The following DCHS2 variants were observed in gnomAD, a reference collection of about 807,000 sequenced individuals.
The protein encoded by DCHS2 is dachsous cadherin-related 2.
A neutral mutation model predicts 182.4 loss-of-function variants in DCHS2; 142 were observed. The observed-to-expected ratio is 0.78, with a 90% CI of 0.68 to 0.89. DCHS2 has a LOEUF of 0.89. Among genes scored for constraint, DCHS2 ranks in the 40% least tolerant of loss-of-function variants. The pLI is 0.00. For missense variants in DCHS2, 4,319 were observed against 4,198.6 expected (o/e 1.03, Z -0.79); for synonymous variants, 1,740 against 1,663.3 (o/e 1.05, Z -1.12).
intron 19 of DCHS2, 104 bp downstream of exon 19, chr4:154,239,066 T>TG (rs1731673684): frequency 7.1e-7 from 1 of 1,410,566 alleles, no homozygotes; most frequent in East Asian, 2.4e-5. Flanking sequence ...CCATGCGGGG[T>TG]GGGGAGGTGG....
chr4:154,448,249 G>A (rs903942047), intron 1 of DCHS2, among the ~76,000 whole-genome samples: 4 of 152,074 alleles, frequency 2.6e-5, no homozygotes, highest in Non-Finnish European at 5.9e-5. Context: ...TAGGTAATCT[G>A]ATGCAGGCCT....
At chr4:154,377,896 GA>G in intron 1 of DCHS2, among the ~76,000 whole-genome samples, 1 of 152,124 alleles carries the variant, frequency 6.6e-6, no homozygotes, top group Non-Finnish European at 1.5e-5. Context: ...GCAGCAAGGG[GA>G]GGGCCAAGAA....
At chr4:154,239,441 T>TA (rs764867820) in intron 18 of DCHS2, 139 bp from the exon 19 acceptor site, 817 of 1,310,100 alleles carry the variant, frequency 6.2e-4, no homozygotes, top group Non-Finnish European at 7.2e-4. Flanking sequence ...TTAGACATAT[T>TA]AATTTATGGA....
chr4:154,486,340 G>T, intron 1 of DCHS2: 1 of 1,236,492 alleles, frequency 8.1e-7, no homozygotes, highest in Non-Finnish European at 1.1e-6. Flanking sequence ...AGCAACTAGA[G>T]TGGTAGGACC....
intron 1 of DCHS2, among the ~76,000 whole-genome samples, chr4:154,418,914 T>C (rs1341006994): frequency 1.2e-4 from 19 of 152,348 alleles, no homozygotes; most frequent in South Asian, 4.1e-4. Flanking sequence ...TAAATAAAGC[T>C]GTATGCATAG....
chr4:154,270,663 G>C (rs1262184633), intron 13 of DCHS2, among the ~76,000 whole-genome samples: 1 of 151,530 alleles, frequency 6.6e-6, no homozygotes, highest in Non-Finnish European at 1.5e-5. Context: ...GAAGAGAGGG[G>C]TAAGAATGGA....
intron 2 of DCHS2, among the ~76,000 whole-genome samples, chr4:154,376,242 C>G (rs1276270569): frequency 6.6e-6 from 1 of 151,858 alleles, no homozygotes; most frequent in Non-Finnish European, 1.5e-5. Context: ...TTTTATATGT[C>G]AATTAAAAAG....
intron 1 of DCHS2, among the ~76,000 whole-genome samples, chr4:154,424,685 A>G (rs1340309977): frequency 6.6e-6 from 1 of 152,222 alleles, no homozygotes; most frequent in Non-Finnish European, 1.5e-5. Flanking sequence ...AACTTGTCAG[A>G]AACCTTATAG....
chr4:154,382,930 A>G (rs999972672), intron 1 of DCHS2, among the ~76,000 whole-genome samples: 23 of 152,322 alleles, frequency 1.5e-4, no homozygotes, highest in African/African-American at 4.6e-4. Context: ...CCACTGTGGA[A>G]AGAAGGATGG....
chr4:154,338,411 C>T (rs936724683), intron 3 of DCHS2, among the ~76,000 whole-genome samples: 3 of 152,122 alleles, frequency 2.0e-5, no homozygotes, highest in African/African-American at 7.2e-5. Context: ...AAATATAATA[C>T]TACCTAAAAT....
chr4:154,348,868 C>T (rs1274345043), intron 3 of DCHS2, among the ~76,000 whole-genome samples: 2 of 152,064 alleles, frequency 1.3e-5, no homozygotes, highest in African/African-American at 2.4e-5. Flanking sequence ...GACATGAACA[C>T]CAGCAGGAGG....
rs1353740118 is a variant in DCHS2, at chr4:154,232,893, G to GTAAT, written c.*1639_*1642dup. 1 of 152,048 alleles carries GTAAT rather than the reference G, an allele frequency of 6.6e-6. No individual in the cohort carries two copies. Among genetic ancestry groups the GTAAT allele is most frequent in the Non-Finnish European group, 1.5e-5 (1 of 68,006 alleles). The allele number at this position is 152,048 out of a possible 1,614,324, so 9.4% of individuals were successfully genotyped here. On this transcript the variant is annotated 3_prime_UTR_variant, in exon 20 of 20. Coordinates refer to ENST00000357232, the MANE Select transcript of DCHS2 (RefSeq NM_001358235.2). Reference sequence around the variant, plus strand: ...AAAACCTTCATGTTTCATACAATTTGTAATATAGCTTTATACATTTGTTCC... The same window carrying GTAAT: ...AAAACCTTCATGTTTCATACAATTTGTAATTAATATAGCTTTATACATTTGTTCC...
chr4:154,339,636 G>C (rs976707687), intron 3 of DCHS2, among the ~76,000 whole-genome samples: 9 of 152,072 alleles, frequency 5.9e-5, no homozygotes, highest in Admixed American at 5.2e-4. Flanking sequence ...TTTTAGTAGA[G>C]AGGGGTTTCA....
At chr4:154,348,480 G>A (rs1014452073) in intron 3 of DCHS2, among the ~76,000 whole-genome samples, 1 of 151,910 alleles carries the variant, frequency 6.6e-6, no homozygotes, top group Non-Finnish European at 1.5e-5. Context: ...CCAAATTTAT[G>A]TCCACTTGGA....
chr4:154,304,776 C>A lies in DCHS2; in HGVS notation c.5498G>T (p.Ser1833Ile), dbSNP rs1178958405. Reference protein sequence around the residue: ...NDHAPEFIVSSYDIEVLENQE... With the variant: ...NDHAPEFIVSIYDIEVLENQE... ...GTTTTCCAGAACCTCAATGTCATAA[C>A]TGGAAACAATAAACTCTGGTGCGTG... is the stretch of plus-strand genomic sequence containing the variant. The change falls in exon 12 of 20, where the codon AGT becomes ATT. Residue 1833 changes from serine to isoleucine, a missense_variant. By Grantham distance (142) the Ser-to-Ile change is moderately radical. Coordinates refer to ENST00000357232, the MANE Select transcript of DCHS2 (RefSeq NM_001358235.2). 6.2e-7 allele frequency: 1 copy of A among 1,613,864 alleles called. No homozygotes were observed. Among genetic ancestry groups the A allele is most frequent in the East Asian group, 2.2e-5 (1 of 44,854 alleles).
At chr4:154,413,863 T>C (rs1436417518) in intron 1 of DCHS2, among the ~76,000 whole-genome samples, 1 of 152,244 alleles carries the variant, frequency 6.6e-6, no homozygotes, top group Non-Finnish European at 1.5e-5. Context: ...CCCTTACCCT[T>C]ACCCTTGTAA....
chr4:154,349,776 G>T (rs1394250590), intron 3 of DCHS2, among the ~76,000 whole-genome samples: 1 of 152,134 alleles, frequency 6.6e-6, no homozygotes, highest in Non-Finnish European at 1.5e-5. Context: ...ATTTAAACGT[G>T]TTGCTACGAT....
intron 1 of DCHS2, among the ~76,000 whole-genome samples, chr4:154,427,150 T>C (rs1215384117): frequency 6.6e-6 from 1 of 152,190 alleles, no homozygotes; most frequent in East Asian, 1.9e-4. Context: ...CATACAATTA[T>C]TATGTGTCAA....
In DCHS2 at chr4:154,490,098, C is replaced by CT; in HGVS notation, c.1257dup (p.Glu420ArgfsTer9). On this transcript the variant is annotated frameshift_variant, in exon 1 of 20. Transcript: ENST00000357232. LOFTEE classifies it high-confidence loss of function. ...TCAGAGACACGGGCGACGCCTCCCT[C>CT]TGTGAGAAAGAGCACGTGAATTGCT... 6.5e-7 allele frequency: 1 copy of CT among 1,549,608 alleles called. No homozygotes were observed. Among genetic ancestry groups the CT allele is most frequent in the Non-Finnish European group, 8.7e-7 (1 of 1,146,584 alleles).
Sources: allele counts gnomAD v4.1 joint callset (sites outside exome capture counted in the v4.1 genomes callset), GRCh38; gene constraint gnomAD v4.1.1; transcripts MANE v1.5; gene names NCBI Gene and HGNC (gene_info 2026-07-23, HGNC 2026-07-21).